Variants in RNF216 observed in about 807,000 individuals in gnomAD.
The protein encoded by RNF216 is ring finger protein 216.
In RNF216, 72 loss-of-function variants were observed where a neutral mutation model predicts 110.8. The ratio of observed to expected loss-of-function variants is 0.65; its 90% CI spans 0.54 to 0.79. The LOEUF is 0.79. Ranked by LOEUF, RNF216 falls within the 30% of genes least tolerant of loss-of-function variation. The pLI, the probability that RNF216 is intolerant of heterozygous loss-of-function variation, is 0.00. For missense variants in RNF216, 1,342 were observed against 1,141.2 expected, an observed-to-expected ratio of 1.18 and a Z score of -2.54; for synonymous variants, 495 against 407.5, an observed-to-expected ratio of 1.21 and a Z score of -2.59.
At chr7:5,652,385 C>T (rs1232764739) in intron 14 of RNF216, 28 bp downstream of exon 14, 4 of 1,497,306 alleles carry the variant, frequency 2.7e-6, no homozygotes, top group East Asian at 2.3e-5. Context: ...AGAATCAGCC[C>T]ATAGCCCCTC....
chr7:5,769,078 G>A (rs114070046), intron 1 of RNF216, among the ~76,000 whole-genome samples: 2,616 of 150,306 alleles, frequency 0.017, 65 homozygotes, highest in African/African-American at 0.06. Flanking sequence ...TTATGTGAAG[G>A]AGGTAAAATA....
At chr7:5,734,485 T>C (rs1191503603) in intron 5 of RNF216, among the ~76,000 whole-genome samples, 1 of 152,172 alleles carries the variant, frequency 6.6e-6, no homozygotes, top group Admixed American at 6.6e-5. Context: ...CTTTACTTTG[T>C]TCATTTTTCT....
chr7:5,674,399 C>T lies in RNF216; in HGVS notation c.2062-21889G>A, dbSNP rs527727932. 1.4e-3 allele frequency among the ~76,000 whole-genome samples: 214 copies of T among 151,846 alleles called. 4 individuals are homozygous for T. Among genetic ancestry groups the T allele is most frequent in the African/African-American group, 4.9e-3 (203 of 41,372 alleles). ...GTCTCAAACTCCTGACCTCATGATC[C>T]GCCTGCCTCAGCCTCCCAAAGTGCT... On this transcript the variant is annotated intron_variant, in intron 13 of 16. Coordinates refer to ENST00000389902, the MANE Select transcript of RNF216 (RefSeq NM_207111.4).
chr7:5,683,822 T>C (rs949457628), intron 13 of RNF216, among the ~76,000 whole-genome samples: 2 of 152,138 alleles, frequency 1.3e-5, no homozygotes, highest in Non-Finnish European at 2.9e-5. Flanking sequence ...AAGTGCAAGA[T>C]AAGCCCAGCA....
chr7:5,753,172 G>C (rs866592055), intron 2 of RNF216, among the ~76,000 whole-genome samples, 193 bp from the exon 3 acceptor site: 1 of 152,224 alleles, frequency 6.6e-6, no homozygotes, highest in South Asian at 2.1e-4. Flanking sequence ...AACACATTTT[G>C]GGAACTGCTA....
rs116026198 is a variant in RNF216 at position 5,668,756 on chromosome 7, C to T, written c.2062-16246G>A. ...AGGAAGAACGCTGTTAGGAAGTAGC[C>T]GGGGTCTGCTGTTGCCTGCCCTTCC... On this transcript the variant is annotated intron_variant, in intron 13 of 16. Coordinates refer to ENST00000389902, the MANE Select transcript of RNF216 (RefSeq NM_207111.4). 4.5e-3 allele frequency among the ~76,000 whole-genome samples: 691 copies of T among 152,308 alleles called. 4 individuals are homozygous for T. Among genetic ancestry groups the T allele is most frequent in the African/African-American group, 0.016 (666 of 41,564 alleles).
chr7:5,687,160 T>C (rs150139065), intron 13 of RNF216, among the ~76,000 whole-genome samples: 7 of 151,208 alleles, frequency 4.6e-5, no homozygotes, highest in Middle Eastern at 3.4e-3. Context: ...CTCTGGGAGG[T>C]TGAGGTGGGC....
chr7:5,708,915 A>G (rs1792476926), intron 13 of RNF216, among the ~76,000 whole-genome samples: 2 of 151,976 alleles, frequency 1.3e-5, no homozygotes, highest in African/African-American at 4.8e-5. Flanking sequence ...GGTGCACTGG[A>G]CTCTGCCTAC....
chr7:5,754,332 A>G (rs891301447), intron 2 of RNF216, among the ~76,000 whole-genome samples: 2 of 151,854 alleles, frequency 1.3e-5, no homozygotes, highest in African/African-American at 4.8e-5. Flanking sequence ...CTTAAAAAAA[A>G]AATTTTTTTT....
intron 1 of RNF216, among the ~76,000 whole-genome samples, chr7:5,761,941 T>C (rs1352164326): frequency 6.6e-6 from 1 of 152,200 alleles, no homozygotes; most frequent in African/African-American, 2.4e-5. Flanking sequence ...AAATTACAAA[T>C]GTACATTCCC....
At chr7:5,777,004 G>C (rs1273595739) in intron 1 of RNF216, among the ~76,000 whole-genome samples, 1 of 151,946 alleles carries the variant, frequency 6.6e-6, no homozygotes, top group Non-Finnish European at 1.5e-5. Flanking sequence ...GAGCGAGTGA[G>C]CACAACAGCT....
chr7:5,672,305 G>A (rs1311542678), intron 13 of RNF216, among the ~76,000 whole-genome samples: 2 of 152,180 alleles, frequency 1.3e-5, no homozygotes, highest in East Asian at 3.8e-4. Context: ...TTACTTTGGG[G>A]GAATGATAAT....
rs537996633 is a variant in RNF216, at chr7:5,702,288, G to A, written c.2061+9473C>T. ...AGCCTCCTCCAAGGCGGGCCAAGGG[G>A]AGAGGCAGGTGCTTCTACCATTAGC... On this transcript the variant is annotated intron_variant, in intron 13 of 16. Transcript: ENST00000389902. 3.3e-5 allele frequency among the ~76,000 whole-genome samples: 5 copies of A among 152,324 alleles called. No individual in the cohort carries two copies. The South Asian group carries it at 1.0e-3, about 32-fold the overall frequency.
chr7:5,673,423 G>GA (rs1286897112), intron 13 of RNF216, among the ~76,000 whole-genome samples: 3 of 152,198 alleles, frequency 2.0e-5, no homozygotes, highest in African/African-American at 7.2e-5. Flanking sequence ...CCTGGTTTGC[G>GA]AGAAGAGAAG....
chr7:5,705,939 AAAC>A (rs1418335890), intron 13 of RNF216, among the ~76,000 whole-genome samples: 1 of 151,066 alleles, frequency 6.6e-6, no homozygotes, highest in East Asian at 1.9e-4. Flanking sequence ...AAACAAAACA[AAAC>A]AAAACAAAAC....
At position 5,721,111 on chromosome 7, in the gene RNF216, G is replaced by A. The variant is rs1470305734; in HGVS notation, c.1566C>T (p.Ser522=). 6.8e-6 allele frequency: 11 copies of A among 1,613,772 alleles called. No homozygotes were observed. Among genetic ancestry groups the A allele is most frequent in the African/African-American group, 2.7e-5 (2 of 74,910 alleles). The part of the protein sequence containing the change: ...FLENKRRHCR[S]YDRRALLPAV... The stretch of plus-strand genomic sequence containing the variant: ...CTGGAAGGAGAGCACGTCGGTCATA[G>A]GACCTACAATGTCGTCGCTTATTTT... Residue 522 remains serine, a synonymous_variant, in exon 9 of 17, where the codon TCC becomes TCT. Transcript: ENST00000389902.
At chr7:5,653,573 C>G (rs1434592682) in intron 13 of RNF216, among the ~76,000 whole-genome samples, 3 of 132,176 alleles carry the variant, frequency 2.3e-5, no homozygotes, top group African/African-American at 8.7e-5. Context: ...TGCACTCCAG[C>G]CTGGGCGACA....
chr7:5,686,671 G>C (rs1279564289), intron 13 of RNF216, among the ~76,000 whole-genome samples: 1 of 152,196 alleles, frequency 6.6e-6, no homozygotes, highest in Non-Finnish European at 1.5e-5. Flanking sequence ...TGTCAAACAA[G>C]CTTTCAAAGG....
intron 13 of RNF216, among the ~76,000 whole-genome samples, 162 bp from the exon 14 acceptor site, chr7:5,652,672 G>A (rs1226985434): frequency 6.6e-6 from 1 of 152,130 alleles, no homozygotes; most frequent in Non-Finnish European, 1.5e-5. Context: ...TCTTTTAATA[G>A]AAGAGGTTAA....
Sources: allele counts gnomAD v4.1 joint callset (sites outside exome capture counted in the v4.1 genomes callset), GRCh38; gene constraint gnomAD v4.1.1; transcripts MANE v1.5; gene names NCBI Gene and HGNC (gene_info 2026-07-23, HGNC 2026-07-21).